The following CHST12 variants were observed in gnomAD, a reference collection of about 807,000 sequenced individuals.
CHST12 encodes carbohydrate sulfotransferase 12.
Under a neutral mutation model 27.9 loss-of-function variants are expected in CHST12, and 23 were observed. The ratio of observed to expected loss-of-function variants is 0.82; its 90% CI spans 0.59 to 1.17. CHST12 has a LOEUF of 1.17. Among genes scored for constraint, CHST12 ranks in the 50% most tolerant of loss-of-function variants. CHST12 has a pLI of 0.00. For synonymous variants in CHST12, 322 were observed against 273.0 expected (o/e 1.18, Z -1.77); for missense variants, 682 against 603.0 (o/e 1.13, Z -1.37).
Position 2,432,848 on chromosome 7 carries a change from T to A in CHST12, c.209T>A (p.Leu70Gln). 6.2e-7 allele frequency: 1 copy of A among 1,613,828 alleles called. No individual in the cohort carries two copies. The highest frequency in any genetic ancestry group is 8.5e-7 in the Non-Finnish European group (1 of 1,179,894). The change falls in exon 2 of 2, where the codon CTG (leucine) becomes CAG (glutamine). Residue 70 changes from leucine to glutamine, a missense_variant. Coordinates refer to ENST00000618655, the MANE Select transcript of CHST12 (RefSeq NM_018641.5). ...GCCGACTCCGATGTCGACGAGTTTC[T>A]GGACAAGTTTCTCAGTGCTGGCGTG... is the stretch of plus-strand genomic sequence containing the variant. ...LTADSDVDEF[L>Q]DKFLSAGVKQ...
At chr7:2,404,673 A>G (rs995877681) in intron 1 of CHST12, among the ~76,000 whole-genome samples, 1 of 152,226 alleles carries the variant, frequency 6.6e-6, no homozygotes, top group African/African-American at 2.4e-5. Context: ...GAGGATGGAG[A>G]GAAAACAGGG....
chr7:2,425,341 A>G (rs889546893), intron 1 of CHST12, among the ~76,000 whole-genome samples: 1 of 152,026 alleles, frequency 6.6e-6, no homozygotes, highest in African/African-American at 2.4e-5. Flanking sequence ...GAGTGCCAGG[A>G]GAGAGGGGTC....
chr7:2,427,920 G>C (rs1367041510), intron 1 of CHST12, among the ~76,000 whole-genome samples: 2 of 151,806 alleles, frequency 1.3e-5, no homozygotes, highest in Non-Finnish European at 2.9e-5. Context: ...AGATTCAAGC[G>C]ATTCTCCTGC....
In CHST12 at chr7:2,415,512, A is replaced by G. The variant is rs548346872; in HGVS notation, c.-78+11839A>G. 5.3e-5 allele frequency among the ~76,000 whole-genome samples: 8 copies of G among 152,276 alleles called. 1 individual carries two copies. In the South Asian group the frequency reaches 1.4e-3, roughly 28 times the overall value. ...TTATCTGAGCCTTCAGCGAGTGGCA[A>G]TCTTTTTGCTGGTGGAGGGTCTTGT... On this transcript the variant is annotated intron_variant, in intron 1 of 1. Transcript: ENST00000618655.
rs533295981 is a variant in CHST12 at position 2,442,719 on chromosome 7, A to G, written c.*8835A>G. ...ATCCCCAACCCCCTGGTGATGGACC[A>G]ATACTGGCCTGCGGCCCCTTAGGAA... is the stretch of plus-strand genomic sequence containing the variant. On this transcript the variant is annotated 3_prime_UTR_variant, in exon 2 of 2. Transcript: ENST00000618655. 2 of 152,294 alleles carry G rather than the reference A, an allele frequency of 1.3e-5. No homozygotes were observed. The highest frequency in any genetic ancestry group is 4.8e-5 in the African/African-American group (2 of 41,462). 9.4% of individuals were successfully genotyped at this position (152,294 alleles called of 1,614,324 possible).
In CHST12 at chr7:2,435,602, C is replaced by G. The variant is rs1055750826; in HGVS notation, c.*1718C>G. 1 of 152,230 alleles carries G rather than the reference C, an allele frequency of 6.6e-6. No individual in the cohort carries two copies. Among genetic ancestry groups the G allele is most frequent in the African/African-American group, 2.4e-5 (1 of 41,444 alleles). 9.4% of individuals were successfully genotyped at this position (152,230 alleles called of 1,614,324 possible). On this transcript the variant is annotated 3_prime_UTR_variant, in exon 2 of 2. Coordinates refer to ENST00000618655, the MANE Select transcript of CHST12 (RefSeq NM_018641.5). ...GGCACCCTGCTTGACCTGTCTTCCT[C>G]GTGTGTGGTATTTGTCACCACTGCC...
At chr7:2,429,465 T>A (rs560164722) in intron 1 of CHST12, among the ~76,000 whole-genome samples, 1 of 152,340 alleles carries the variant, frequency 6.6e-6, no homozygotes, top group East Asian at 1.9e-4. Flanking sequence ...AGAGATTGTA[T>A]AAAATTGATG....
Position 2,433,985 on chromosome 7 carries a change from T to A in CHST12, c.*101T>A. On this transcript the variant is annotated 3_prime_UTR_variant, in exon 2 of 2. Coordinates refer to ENST00000618655, the MANE Select transcript of CHST12 (RefSeq NM_018641.5). This position sits in a 1 kb window ranked among gnomAD's most constrained non-coding sequence, Gnocchi z 6.1. The stretch of plus-strand genomic sequence containing the variant: ...TTTGCAATCTGGGCTTCTTGTTCAC[T>A]CCACTGCCTCTATCCATTGAGTACT... 1.1e-6 allele frequency: 1 copy of A among 888,752 alleles called. No homozygotes were observed. Among genetic ancestry groups the A allele is most frequent in the Non-Finnish European group, 1.8e-6 (1 of 565,732 alleles). The allele number at this position is 888,752 out of a possible 1,614,324, so 55.1% of individuals were successfully genotyped here. A position where few individuals can be genotyped will look rare whatever the true frequency, so the allele number is the denominator to read the frequency against.
rs187332497 is a variant in CHST12, at chr7:2,412,102, C to T, written c.-78+8429C>T. On this transcript the variant is annotated intron_variant, in intron 1 of 1. Transcript: ENST00000618655. ...TTACTTCAAAGGCTAAGTTTGGGCTCAGTTTTCATTCAGGTCTCCTGGGAT... is the reference window on the plus strand; with the variant it reads ...TTACTTCAAAGGCTAAGTTTGGGCTTAGTTTTCATTCAGGTCTCCTGGGAT... Among the ~76,000 whole-genome samples, 7 of 152,300 alleles carry T rather than the reference C, an allele frequency of 4.6e-5. No individual in the cohort carries two copies. In the East Asian group the frequency reaches 1.3e-3, roughly 29 times the overall value.
intron 1 of CHST12, among the ~76,000 whole-genome samples, chr7:2,425,691 C>CTTTTTTTTTTTTTTTTTTTTTTTT (rs760502452): frequency 3.6e-5 from 5 of 137,872 alleles, no homozygotes; most frequent in African/African-American, 1.4e-4. Context: ...ACTGCATTTG[C>CTTTTTTTTTTTTTTTTTTTTTTTT]TTTTTTTTTT....
chr7:2,433,931 C>T lies in CHST12; in HGVS notation c.*47C>T, dbSNP rs762371293. On this transcript the variant is annotated 3_prime_UTR_variant, in exon 2 of 2. Coordinates refer to ENST00000618655, the MANE Select transcript of CHST12 (RefSeq NM_018641.5). The surrounding 1 kb of genome is among the most constrained non-coding windows in gnomAD (Gnocchi z 6.1). ...TCGCGTGCCTGGAACCTGACGCACGCGCACTCCAGTTTTTTTATGACCTAC... is the reference window on the plus strand; with the variant it reads ...TCGCGTGCCTGGAACCTGACGCACGTGCACTCCAGTTTTTTTATGACCTAC... 7 of 1,505,416 alleles carry T rather than the reference C, an allele frequency of 4.6e-6. No homozygotes were observed. The highest frequency in any genetic ancestry group is 2.3e-5 in the East Asian group (1 of 43,918). The allele number at this position is 1,505,416 out of a possible 1,614,324, so 93.3% of individuals were successfully genotyped here. A position where few individuals can be genotyped will look rare whatever the true frequency, so the allele number is the denominator to read the frequency against.
chr7:2,421,265 G>C (rs2398632), intron 1 of CHST12, among the ~76,000 whole-genome samples: 1 of 123,120 alleles, frequency 8.1e-6, no homozygotes, highest in Non-Finnish European at 1.6e-5. Flanking sequence ...TTTTTTTGTA[G>C]AGAAGGGTCT....
intron 1 of CHST12, among the ~76,000 whole-genome samples, chr7:2,419,846 G>A (rs1440930380): frequency 2.0e-5 from 3 of 151,304 alleles, no homozygotes; most frequent in Non-Finnish European, 4.4e-5. Context: ...CTAAAGCTCT[G>A]TCCCCATTGA....
At chr7:2,420,205 C>T (rs1484469091) in intron 1 of CHST12, among the ~76,000 whole-genome samples, 1 of 151,992 alleles carries the variant, frequency 6.6e-6, no homozygotes, top group Non-Finnish European at 1.5e-5. Context: ...GATCTCCTGA[C>T]CTCGTGATCT....
chr7:2,447,951 T>C lies in CHST12; in HGVS notation c.*14067T>C, dbSNP rs1782796008. Reference sequence around the variant, plus strand: ...CAGTGGTGCGACCTCAGCTCTCAGCTCCCTGCACCGTCCACCTCCTGGGTT... The same window carrying C: ...CAGTGGTGCGACCTCAGCTCTCAGCCCCCTGCACCGTCCACCTCCTGGGTT... On this transcript the variant is annotated 3_prime_UTR_variant, in exon 2 of 2. Transcript: ENST00000618655. 1 of 152,024 alleles carries C rather than the reference T, an allele frequency of 6.6e-6. No homozygotes were observed. Among genetic ancestry groups the C allele is most frequent in the African/African-American group, 2.4e-5 (1 of 41,358 alleles). 9.4% of individuals were successfully genotyped at this position (152,024 alleles called of 1,614,324 possible). A position where few individuals can be genotyped will look rare whatever the true frequency, so the allele number is the denominator to read the frequency against.
Position 2,433,868 on chromosome 7 carries a change from ACCT to A in CHST12, c.1235_1237del (p.Leu412del). 1.3e-6 allele frequency: 2 copies of A among 1,573,472 alleles called. No homozygotes were observed. Among genetic ancestry groups the A allele is most frequent in the Non-Finnish European group, 8.7e-7 (1 of 1,154,538 alleles). On this transcript the variant is annotated inframe_deletion, in exon 2 of 2. Coordinates refer to ENST00000618655, the MANE Select transcript of CHST12 (RefSeq NM_018641.5). The surrounding 1 kb of genome is among the most constrained non-coding windows in gnomAD (Gnocchi z 6.1). ...CTCTTCGGCTACCCCAAGCCCGAAA[ACCT>A]CCTCCGAGACTGAAAGCTTTCGCGT...
At chr7:2,425,893 C>G (rs1782105647) in intron 1 of CHST12, among the ~76,000 whole-genome samples, 1 of 151,968 alleles carries the variant, frequency 6.6e-6, no homozygotes, top group East Asian at 1.9e-4. Context: ...AATGCAGATT[C>G]TGGGGAGTCT....
At chr7:2,407,827 C>T (rs980185754) in intron 1 of CHST12, among the ~76,000 whole-genome samples, 1 of 152,224 alleles carries the variant, frequency 6.6e-6, no homozygotes, top group East Asian at 1.9e-4. Context: ...ACTCAGGAGG[C>T]TGAGGCAGGA....
chr7:2,437,730 GCGCA>G lies in CHST12; in HGVS notation c.*3848_*3851del, dbSNP rs766837016. 17 of 97,046 alleles carry G rather than the reference GCGCA, an allele frequency of 1.8e-4. No individual in the cohort carries two copies. Among genetic ancestry groups the G allele is most frequent in the East Asian group, 8.7e-4 (2 of 2,308 alleles). The allele number at this position is 97,046 out of a possible 1,614,324, so 6.0% of individuals were successfully genotyped here. A position where few individuals can be genotyped will look rare whatever the true frequency, so the allele number is the denominator to read the frequency against. On this transcript the variant is annotated 3_prime_UTR_variant, in exon 2 of 2. Transcript: ENST00000618655. Reference sequence around the variant, plus strand: ...GGAATCAGAACACACACACACACGCGCGCACACACACACACACACACACACTCTC... The same window carrying G: ...GGAATCAGAACACACACACACACGCGCACACACACACACACACACACTCTC...
Sources: gnomAD v4.1 joint callset for allele counts (sites outside exome capture counted in the v4.1 genomes callset) on GRCh38, gnomAD v4.1.1 for gene constraint, Gnocchi (gnomAD v3.1) non-coding constraint, MANE v1.5 for transcripts, NCBI Gene and HGNC (gene_info 2026-07-23, HGNC 2026-07-21) for gene names.